DOCK11: variants seen among roughly 807,000 people sequenced by gnomAD.
The protein encoded by DOCK11 is dedicator of cytokinesis protein 11.
DOCK11 carries 70 observed loss-of-function variants against 169.1 expected under a neutral mutation model. That is an observed-to-expected ratio of 0.41 (90% confidence interval 0.34 to 0.51). The LOEUF (loss-of-function observed/expected upper bound fraction) is 0.51, where lower values mean the gene tolerates loss of function less well. Ranked by LOEUF, DOCK11 falls within the 20% of genes least tolerant of loss-of-function variation. The pLI is 0.10. For synonymous variants in DOCK11, 529 were observed against 541.3 expected, an observed-to-expected ratio of 0.98 and a Z score of 0.32; for missense variants, 1,166 against 1,538.8, an observed-to-expected ratio of 0.76 and a Z score of 4.05.
At chrX:118,544,071 C>T (rs183524923) in intron 4 of DOCK11, among the ~76,000 whole-genome samples, 299 of 112,422 alleles carry the variant, frequency 2.7e-3, no homozygotes, top group Non-Finnish European at 4.8e-3. Flanking sequence ...TTTTAACTTT[C>T]CTCTTTGAAA....
chrX:118,649,836 G>T (rs1319092832), intron 41 of DOCK11, among the ~76,000 whole-genome samples: 1 of 111,492 alleles, frequency 9.0e-6, no homozygotes, highest in Admixed American at 9.6e-5. Context: ...TTTGAGGACT[G>T]CCACATACTA....
At chrX:118,555,474 T>G (rs1189403258) in intron 6 of DOCK11, among the ~76,000 whole-genome samples, 1 of 110,581 alleles carries the variant, frequency 9.0e-6, no homozygotes, top group Non-Finnish European at 1.9e-5. Flanking sequence ...GGAGGATCGC[T>G]TGAACCCAGG....
At position 118,649,094 on chromosome X, in the gene DOCK11, C is replaced by T; in HGVS notation, c.4548C>T (p.Thr1516=). The change falls in exon 41 of 53, where the codon ACC becomes ACT. Residue 1516 remains threonine, a synonymous_variant. Coordinates refer to ENST00000276202, the MANE Select transcript of DOCK11 (RefSeq NM_144658.4). ...TGATGAGAAACAACTTTGAGTATAC[C>T]AAAAGGAAAACCTTTTTGAGGACAC... The part of the protein sequence containing the change: ...YLLMRNNFEY[T]KRKTFLRTHL... The T allele has an allele frequency of 8.4e-7, 1 of 1,184,881 alleles. No individual in the cohort carries two copies. The highest frequency in any genetic ancestry group is 1.1e-6 in the Non-Finnish European group (1 of 882,036).
intron 1 of DOCK11, 110 bp downstream of exon 1, chrX:118,496,183 T>C: frequency 1.9e-6 from 1 of 519,000 alleles, no homozygotes; most frequent in Non-Finnish European, 2.6e-6. Context: ...GCGCGCTGTC[T>C]TTCTCCGCTC....
chrX:118,586,423 T>C (rs905455794), intron 16 of DOCK11, among the ~76,000 whole-genome samples: 6 of 110,666 alleles, frequency 5.4e-5, no homozygotes, highest in Admixed American at 9.7e-5. Context: ...AAAGAGGAAC[T>C]TCCAAACACT....
intron 48 of DOCK11, among the ~76,000 whole-genome samples, chrX:118,679,059 T>C (rs762247321): frequency 3.6e-5 from 4 of 110,335 alleles, no homozygotes; most frequent in Non-Finnish European, 7.6e-5. Flanking sequence ...CCTGAATAGG[T>C]GGGACTACAG....
intron 22 of DOCK11, among the ~76,000 whole-genome samples, chrX:118,598,342 A>G (rs1194708631): frequency 9.2e-6 from 1 of 109,145 alleles, no homozygotes; most frequent in Non-Finnish European, 1.9e-5. Flanking sequence ...GCAGTGAACT[A>G]TGATTGCGCC....
At chrX:118,535,596 G>A (rs1448572665) in intron 1 of DOCK11, among the ~76,000 whole-genome samples, 2 of 111,252 alleles carry the variant, frequency 1.8e-5, no homozygotes, top group East Asian at 5.6e-4. Context: ...GGCTGTTGGG[G>A]AGCGAGGAGG....
intron 1 of DOCK11, among the ~76,000 whole-genome samples, chrX:118,496,621 A>G (rs750806249): frequency 8.9e-6 from 1 of 112,367 alleles, no homozygotes; most frequent in East Asian, 2.8e-4. Flanking sequence ...CAGAGGAAGC[A>G]GAGCGACTTC....
At chrX:118,578,359 C>A (rs1038730343) in intron 12 of DOCK11, among the ~76,000 whole-genome samples, 166 bp from the exon 13 acceptor site, 1 of 111,673 alleles carries the variant, frequency 9.0e-6, no homozygotes, top group South Asian at 3.7e-4. Flanking sequence ...TTGAAAGGAA[C>A]GTTGGAAGCT....
chrX:118,647,139 ATGTGTGTGTGTGTGTGTGTGTGTG>A (rs200211345), intron 40 of DOCK11, among the ~76,000 whole-genome samples: 21,438 of 85,253 alleles, frequency 0.25, 2,048 homozygotes, highest in African/African-American at 0.38. Context: ...TGAAGAGGAT[ATGTGTGTGTGTGTGTGTGTGTGTG>A]TGTGTGTGTG....
intron 19 of DOCK11, among the ~76,000 whole-genome samples, chrX:118,590,788 C>A (rs1016687322): frequency 2.7e-5 from 3 of 112,139 alleles, no homozygotes; most frequent in Admixed American, 9.4e-5. Context: ...CACTGGCTGG[C>A]CTGCATGCTT....
intron 40 of DOCK11, among the ~76,000 whole-genome samples, chrX:118,645,700 GAAAC>G (rs766415728): frequency 2.8e-5 from 3 of 108,606 alleles, no homozygotes; most frequent in African/African-American, 6.7e-5. Context: ...TTCTAGGAAG[GAAAC>G]AAACAGTGTA....
intron 35 of DOCK11, chrX:118,633,675 G>A (rs1454782823): frequency 1.8e-5 from 2 of 112,031 alleles, no homozygotes; most frequent in African/African-American, 3.2e-5. Flanking sequence ...TCTGAACTTT[G>A]TTGCAGTTCC....
At chrX:118,519,601 T>C (rs1827583059) in intron 1 of DOCK11, among the ~76,000 whole-genome samples, 2 of 111,717 alleles carry the variant, frequency 1.8e-5, no homozygotes, top group South Asian at 7.4e-4. Flanking sequence ...AAGGCGCTGA[T>C]GAAATGAGTA....
intron 32 of DOCK11, among the ~76,000 whole-genome samples, chrX:118,625,486 G>C (rs1267998783): frequency 9.0e-6 from 1 of 111,460 alleles, no homozygotes; most frequent in African/African-American, 3.3e-5. Flanking sequence ...ACCTGGGGTG[G>C]GACTTGAGAG....
chrX:118,654,804 G>T lies in DOCK11; in HGVS notation c.4898G>T (p.Gly1633Val). Residue 1633 changes from glycine to valine, a missense_variant, in exon 43 of 53, where the codon GGA becomes GTA. Coordinates refer to ENST00000276202, the MANE Select transcript of DOCK11 (RefSeq NM_144658.4). ...DSMAKIHVKN[G>V]DFSEAAMCYV... ...ATGGCCAAGATTCATGTAAAAAATG[G>T]AGATTTTTCAGAGGTGACTACTTAA... is the stretch of plus-strand genomic sequence containing the variant. 2.5e-6 allele frequency: 3 copies of T among 1,211,450 alleles called. No individual in the cohort carries two copies. Among genetic ancestry groups the T allele is most frequent in the Non-Finnish European group, 3.4e-6 (3 of 895,398 alleles).
At chrX:118,663,812 C>A (rs1466912924) in intron 45 of DOCK11, among the ~76,000 whole-genome samples, 1 of 107,463 alleles carries the variant, frequency 9.3e-6, no homozygotes, top group African/African-American at 3.4e-5. Flanking sequence ...GTACCAGGGA[C>A]TACAGGCGTG....
At chrX:118,501,058 G>T (rs1371269097) in intron 1 of DOCK11, among the ~76,000 whole-genome samples, 2 of 111,862 alleles carry the variant, frequency 1.8e-5, no homozygotes, top group African/African-American at 3.2e-5. Flanking sequence ...TTCATTATGG[G>T]TGTACCAGAG....
Sources: allele counts gnomAD v4.1 joint callset (sites outside exome capture counted in the v4.1 genomes callset), GRCh38; gene constraint gnomAD v4.1.1; transcripts MANE v1.5; gene names NCBI Gene and HGNC (gene_info 2026-07-23, HGNC 2026-07-21).